Variants in ABCA4 observed in about 807,000 individuals in gnomAD.
ABCA4 encodes ATP binding cassette subfamily A member 4, also known as retinal-specific phospholipid-transporting ATPase ABCA4.
A neutral mutation model predicts 263.7 loss-of-function variants in ABCA4; 196 were observed. That is an observed-to-expected ratio of 0.74 (90% CI 0.66 to 0.84). ABCA4 has a LOEUF of 0.84. Among genes scored for constraint, ABCA4 ranks in the 40% least tolerant of loss-of-function variants. The pLI is 0.00. For synonymous variants in ABCA4, 1,133 were observed against 1,094.2 expected, an observed-to-expected ratio of 1.04 and a Z score of -0.70; for missense variants, 2,792 against 2,855.1, an observed-to-expected ratio of 0.98 and a Z score of 0.50.
intron 49 of ABCA4, among the ~76,000 whole-genome samples, chr1:93,994,903 G>A (rs1658956166): frequency 6.6e-6 from 1 of 152,242 alleles, no homozygotes; most frequent in African/African-American, 2.4e-5. Flanking sequence ...CCAGGCAGGG[G>A]TGGGGAGACC....
rs563221388 is a variant in ABCA4 at position 93,997,548 on chromosome 1, C to T, written c.6729+313G>A. ...GCCTCCCAAAGAACCTGTGTTTCAT[C>T]GTATGTTAATTACACATCAATAAAG... On this transcript the variant is annotated intron_variant, in intron 48 of 49. Transcript: ENST00000370225. Among the ~76,000 whole-genome samples, 10 of 151,136 alleles carry T rather than the reference C, an allele frequency of 6.6e-5. No individual in the cohort carries two copies. The South Asian group carries it at 1.5e-3, about 22-fold the overall frequency.
intron 1 of ABCA4, 45 bp from the exon 2 acceptor site, chr1:94,113,111 A>G (rs1291819243): frequency 6.3e-7 from 1 of 1,580,754 alleles, no homozygotes; most frequent in African/African-American, 1.3e-5. Flanking sequence ...TGGTGCTAAG[A>G]GATTATAGAA....
intron 17 of ABCA4, among the ~76,000 whole-genome samples, chr1:94,049,184 G>A (rs1660769746): frequency 1.3e-5 from 2 of 152,176 alleles, no homozygotes; most frequent in Admixed American, 6.5e-5. Context: ...AATGTGCCAT[G>A]AGGAGCCCAC....
intron 23 of ABCA4, among the ~76,000 whole-genome samples, chr1:94,040,999 T>G (rs1660470452): frequency 6.6e-6 from 1 of 152,214 alleles, no homozygotes; most frequent in Non-Finnish European, 1.5e-5. Context: ...TTGCAGACCA[T>G]TTAAAGCTAG....
intron 36 of ABCA4, 72 bp downstream of exon 36, chr1:94,019,510 G>A: frequency 6.6e-7 from 1 of 1,505,630 alleles, no homozygotes. Flanking sequence ...TCTTGGTCTG[G>A]TCCTTCAGAG....
At chr1:94,038,900 T>A (rs1660415093) in intron 24 of ABCA4, among the ~76,000 whole-genome samples, 1 of 152,126 alleles carries the variant, frequency 6.6e-6, no homozygotes, top group South Asian at 2.1e-4. Context: ...GGGGCATAAC[T>A]ATTTAGTGCA....
intron 3 of ABCA4, 133 bp downstream of exon 3, chr1:94,111,305 C>T: frequency 7.9e-7 from 1 of 1,271,640 alleles, no homozygotes; most frequent in Non-Finnish European, 1.1e-6. Flanking sequence ...CTGCTCTGCT[C>T]CTAAGAGGTT....
chr1:94,037,327 C>T lies in ABCA4; in HGVS notation c.3631G>A (p.Val1211Ile), dbSNP rs767956362. ...LDGDVNELMD[V>I]VLHHVPEAKL... is the part of the protein sequence containing the mutation. ...GCCTCTGGAACATGGTGGAGAACTACATCCATCAGCTCATTTACATCCCCT... is the reference window on the plus strand; with the variant it reads ...GCCTCTGGAACATGGTGGAGAACTATATCCATCAGCTCATTTACATCCCCT... Residue 1211 changes from valine (V) to isoleucine (I), a missense_variant, in exon 25 of 50, where the codon GTA becomes ATA. By Grantham distance (29) the Val-to-Ile change is conservative. Transcript: ENST00000370225. The T allele has an allele frequency of 1.9e-6, 3 of 1,614,216 alleles. No individual in the cohort carries two copies. Among genetic ancestry groups the T allele is most frequent in the Middle Eastern group, 1.6e-4 (1 of 6,062 alleles).
chr1:93,998,121 C>T lies in ABCA4; in HGVS notation c.6480-11G>A. 1 of 1,614,102 alleles carries T rather than the reference C, an allele frequency of 6.2e-7. No individual in the cohort carries two copies. Among genetic ancestry groups the T allele is most frequent in the Non-Finnish European group, 8.5e-7 (1 of 1,179,994 alleles). On this transcript the variant is annotated splice_polypyrimidine_tract_variant and intron_variant, in intron 47 of 49. Transcript: ENST00000370225. The stretch of plus-strand genomic sequence containing the variant: ...TAGCCATCTCCAAATCTAGGGGATG[C>T]ACACAGTGCAGGACAGGCCTCTGTT...
intron 6 of ABCA4, among the ~76,000 whole-genome samples, chr1:94,085,632 A>C (rs1482238524): frequency 2.0e-5 from 3 of 152,126 alleles, no homozygotes; most frequent in African/African-American, 4.8e-5. Flanking sequence ...TTCCCTGCTC[A>C]AACATCTTCC....
rs748817134 is a variant in ABCA4 at position 94,077,813 on chromosome 1, G to A, written c.1431C>T (p.Ala477=). The change falls in exon 11 of 50, where the codon GCC becomes GCT. Residue 477 remains alanine (A), a synonymous_variant. Coordinates refer to ENST00000370225, the MANE Select transcript of ABCA4 (RefSeq NM_000350.3). The stretch of plus-strand genomic sequence containing the variant: ...GGCCCTTGTAGAGGAAGTTTAGGAT[G>A]GCTTCAGCAGTAATACCTTCTTCAC... ...QLGEEGITAE[A]ILNFLYKGPR... is the part of the protein sequence containing the mutation. 20 of 1,614,192 alleles carry A rather than the reference G, an allele frequency of 1.2e-5. No individual in the cohort carries two copies. The highest frequency in any genetic ancestry group is 1.0e-4 in the Admixed American group (6 of 60,028).
intron 18 of ABCA4, 135 bp from the exon 19 acceptor site, chr1:94,047,228 A>G: frequency 1.1e-6 from 1 of 919,152 alleles, no homozygotes; most frequent in Non-Finnish European, 1.8e-6. Context: ...GTTGCAAGGA[A>G]GACTCCAGAA....
At chr1:94,108,503 C>G in intron 4 of ABCA4, 74 bp downstream of exon 4, 1 of 1,603,726 alleles carries the variant, frequency 6.2e-7, no homozygotes, top group East Asian at 2.2e-5. Flanking sequence ...CCAACTCTCC[C>G]TGTTCTTTCC....
chr1:94,084,711 A>G (rs1205021862), intron 6 of ABCA4, among the ~76,000 whole-genome samples: 1 of 152,196 alleles, frequency 6.6e-6, no homozygotes, highest in Non-Finnish European at 1.5e-5. Context: ...TATTGACACC[A>G]CATCACTGAG....
At chr1:94,097,731 T>C (rs990182385) in intron 6 of ABCA4, among the ~76,000 whole-genome samples, 2 of 152,098 alleles carry the variant, frequency 1.3e-5, no homozygotes, top group African/African-American at 4.8e-5. Flanking sequence ...ACTTCTCTGA[T>C]GGGTTTTTTT....
At chr1:94,043,233 A>G in intron 21 of ABCA4, 103 bp downstream of exon 21, 1 of 1,534,062 alleles carries the variant, frequency 6.5e-7, no homozygotes, top group Non-Finnish European at 8.9e-7. Context: ...AGGTGTTCCC[A>G]CCCTTAGAAG....
At chr1:94,014,746 A>C in intron 37 of ABCA4, 56 bp from the exon 38 acceptor site, 1 of 1,609,250 alleles carries the variant, frequency 6.2e-7, no homozygotes, top group Non-Finnish European at 8.5e-7. Context: ...TTCCACCTAC[A>C]ATACGTCTGG....
At chr1:94,038,701 G>A (rs1421894606) in intron 24 of ABCA4, among the ~76,000 whole-genome samples, 1 of 152,314 alleles carries the variant, frequency 6.6e-6, no homozygotes, top group East Asian at 1.9e-4. Flanking sequence ...TGAACCCAAA[G>A]CTGCTGGATT....
chr1:94,026,778 A>T (rs1268437707), intron 30 of ABCA4, among the ~76,000 whole-genome samples: 1 of 152,228 alleles, frequency 6.6e-6, no homozygotes, highest in Admixed American at 6.5e-5. Flanking sequence ...GTCCCTAGAG[A>T]TGACCACATT....
Sources: allele counts gnomAD v4.1 joint callset (sites outside exome capture counted in the v4.1 genomes callset), GRCh38; gene constraint gnomAD v4.1.1; transcripts MANE v1.5; gene names NCBI Gene and HGNC (gene_info 2026-07-23, HGNC 2026-07-21).